Variants in LGR5 observed in about 807,000 individuals in gnomAD.
LGR5 encodes the protein leucine-rich repeat-containing G protein-coupled receptor 5.
Under a neutral mutation model 76.7 loss-of-function variants are expected in LGR5, and 54 were observed. That is an observed-to-expected ratio of 0.70 (90% CI 0.57 to 0.88). LGR5 has a LOEUF of 0.88. LGR5 is among the 40% of genes least tolerant of loss of function. The pLI is 0.00. For synonymous variants in LGR5, 406 were observed against 421.9 expected (o/e 0.96, Z 0.46); for missense variants, 1,078 against 1,073.3 (o/e 1.00, Z -0.06).
At chr12:71,578,191 T>C (rs536065771) in intron 14 of LGR5, among the ~76,000 whole-genome samples, 195 bp downstream of exon 14, 3 of 152,330 alleles carry the variant, frequency 2.0e-5, no homozygotes, top group South Asian at 2.1e-4. Context: ...AAGTGGATAA[T>C]TGAAGATTTG....
rs776182287 is a variant in LGR5 at position 71,584,124 on chromosome 12, A to G, written c.2114A>G (p.Lys705Arg). 6.2e-7 allele frequency: 1 copy of G among 1,614,186 alleles called. No individual in the cohort carries two copies. The highest frequency in any genetic ancestry group is 2.2e-5 in the East Asian group (1 of 44,874). ...GCAGTTCCCCTGCTGGGTGGCAGCA[A>G]GTATGGCGCCTCCCCTCTCTGCCTG... The part of the protein sequence containing the change: ...MAAVPLLGGS[K>R]YGASPLCLPL... The change falls in exon 18 of 18, where the codon AAG (lysine) becomes AGG (arginine). Residue 705 changes from lysine (K) to arginine (R), a missense_variant. Physicochemically the swap from Lys to Arg is conservative, Grantham distance 26. Coordinates refer to ENST00000266674, the MANE Select transcript of LGR5 (RefSeq NM_003667.4).
rs571857681 is a variant in LGR5, at chr12:71,559,849, G to A, written c.785+195G>A. 1.2e-3 allele frequency among the ~76,000 whole-genome samples: 183 copies of A among 149,870 alleles called. 2 individuals carry two copies. Among genetic ancestry groups the A allele is most frequent in the Non-Finnish European group, 4.6e-4 (31 of 67,494 alleles). On this transcript the variant is annotated intron_variant, in intron 7 of 17. Transcript: ENST00000266674. The stretch of plus-strand genomic sequence containing the variant: ...ACCAGATAATATTTTTTATTTATGC[G>A]GGGTTTTTCTAACATATATATTAAA...
chr12:71,534,421 T>G (rs545351958), intron 3 of LGR5, among the ~76,000 whole-genome samples: 31 of 152,348 alleles, frequency 2.0e-4, no homozygotes, highest in Non-Finnish European at 3.8e-4. Context: ...AATAAAGCCA[T>G]GCAGAGAAGG....
At chr12:71,530,996 G>GAA (rs35134425) in intron 3 of LGR5, among the ~76,000 whole-genome samples, 77,073 of 138,370 alleles carry the variant, frequency 0.56, 21,968 homozygotes, top group East Asian at 0.84. Flanking sequence ...GTCCTGTTGG[G>GAA]AAAAAAAAAA....
At chr12:71,565,559 A>G (rs929788567) in intron 8 of LGR5, among the ~76,000 whole-genome samples, 13 of 150,280 alleles carry the variant, frequency 8.7e-5, no homozygotes, top group Non-Finnish European at 1.5e-5. Flanking sequence ...CTTTATCCCA[A>G]CTGAATCCAG....
At chr12:71,578,760 T>G (rs981048754) in intron 14 of LGR5, 44 bp from the exon 15 acceptor site, 1 of 1,553,438 alleles carries the variant, frequency 6.4e-7, no homozygotes, top group Non-Finnish European at 8.7e-7. Context: ...AAACGTTTTA[T>G]GCTAACATAG....
intron 2 of LGR5, among the ~76,000 whole-genome samples, chr12:71,521,469 ATGT>A (rs1167072240): frequency 3.9e-5 from 6 of 152,238 alleles, no homozygotes; most frequent in South Asian, 2.1e-4. Flanking sequence ...AGAATTGTTG[ATGT>A]TGTCTCACCA....
chr12:71,579,204 A>T (rs1294542881), intron 15 of LGR5, among the ~76,000 whole-genome samples: 4 of 152,214 alleles, frequency 2.6e-5, no homozygotes, highest in South Asian at 2.1e-4. Context: ...AATATATATA[A>T]AAATAAACTA....
chr12:71,489,210 T>C (rs1313444247), intron 1 of LGR5, among the ~76,000 whole-genome samples: 2 of 152,164 alleles, frequency 1.3e-5, no homozygotes, highest in Non-Finnish European at 2.9e-5. Context: ...CACACAATGG[T>C]TATAAAACAT....
At chr12:71,566,310 T>C in intron 8 of LGR5, 94 bp from the exon 9 acceptor site, 3 of 777,566 alleles carry the variant, frequency 3.9e-6, no homozygotes, top group Non-Finnish European at 4.3e-6. Context: ...TAAAATTACA[T>C]AAGTACATTT....
intron 13 of LGR5, 85 bp from the exon 14 acceptor site, chr12:71,577,840 T>C (rs955450942): frequency 2.1e-5 from 18 of 848,290 alleles, no homozygotes; most frequent in Non-Finnish European, 2.7e-5. Flanking sequence ...TTAAATTAAT[T>C]TTGGTAGAAG....
chr12:71,561,938 G>C (rs1430716657), intron 8 of LGR5, 86 bp downstream of exon 8: 10 of 842,044 alleles, frequency 1.2e-5, no homozygotes, highest in Non-Finnish European at 1.6e-5. Flanking sequence ...TTCTATATTT[G>C]CCTGAGTTTT....
At chr12:71,513,720 A>G (rs1056031904) in intron 2 of LGR5, among the ~76,000 whole-genome samples, 5 of 152,234 alleles carry the variant, frequency 3.3e-5, no homozygotes, top group African/African-American at 4.8e-5. Flanking sequence ...CAAAAGCACT[A>G]TATGTGGCAT....
At chr12:71,505,321 T>C (rs17814991) in intron 2 of LGR5, among the ~76,000 whole-genome samples, 14,083 of 152,250 alleles carry the variant, frequency 0.092, 701 homozygotes, top group Non-Finnish European at 0.11. Context: ...TTAAGTCTAG[T>C]AACCACTTTT....
intron 14 of LGR5, among the ~76,000 whole-genome samples, chr12:71,578,564 T>C (rs562583506): frequency 6.6e-6 from 1 of 152,254 alleles, no homozygotes; most frequent in East Asian, 1.9e-4. Flanking sequence ...CCTGAAAAAA[T>C]GAAGCTGAAT....
chr12:71,560,722 G>C (rs1283821469), intron 7 of LGR5, among the ~76,000 whole-genome samples: 1 of 152,172 alleles, frequency 6.6e-6, no homozygotes, highest in Non-Finnish European at 1.5e-5. Context: ...GAACCAGAGG[G>C]GCGGTGATTG....
intron 1 of LGR5, among the ~76,000 whole-genome samples, chr12:71,447,653 G>A (rs11178799): frequency 0.18 from 26,719 of 152,172 alleles, 2,840 homozygotes; most frequent in Admixed American, 0.3. Context: ...TGGCCAAGGG[G>A]GAAGAAAGTG....
At chr12:71,480,246 C>T (rs1169855401) in intron 1 of LGR5, among the ~76,000 whole-genome samples, 1 of 151,744 alleles carries the variant, frequency 6.6e-6, no homozygotes, top group Non-Finnish European at 1.5e-5. Context: ...TGCTTGTAAT[C>T]CCAGCTGCTC....
intron 3 of LGR5, 55 bp downstream of exon 3, chr12:71,524,532 C>A: frequency 8.1e-7 from 1 of 1,237,140 alleles, no homozygotes; most frequent in Non-Finnish European, 1.2e-6. Flanking sequence ...CAAATGGCTG[C>A]TAATTAACTT....
Sources: allele counts gnomAD v4.1 joint callset (sites outside exome capture counted in the v4.1 genomes callset), GRCh38; gene constraint gnomAD v4.1.1; transcripts MANE v1.5; gene names NCBI Gene and HGNC (gene_info 2026-07-23, HGNC 2026-07-21).